RPS6KB1: variants seen among roughly 807,000 people sequenced by gnomAD.
RPS6KB1 encodes the protein ribosomal protein S6 kinase beta-1.
In RPS6KB1, 12 loss-of-function variants were observed where a neutral mutation model predicts 70.2. That is an observed-to-expected ratio of 0.17 (90% CI 0.11 to 0.28). The LOEUF is 0.28. RPS6KB1 is among the 10% of genes least tolerant of loss of function. The pLI, the probability that RPS6KB1 is intolerant of heterozygous loss-of-function variation, is 1.00. For synonymous variants in RPS6KB1, 175 were observed against 211.2 expected, an observed-to-expected ratio of 0.83 and a Z score of 1.49; for missense variants, 270 against 646.6, an observed-to-expected ratio of 0.42 and a Z score of 6.32.
chr17:59,941,053 CTTTT>C (rs11377635), intron 13 of RPS6KB1, 110 bp downstream of exon 13: 63 of 474,144 alleles, frequency 1.3e-4, no homozygotes, highest in South Asian at 2.5e-4. Context: ...ACCTGGCCCA[CTTTT>C]TTTTTTTTTT....
At chr17:59,902,945 C>T (rs1052591406) in intron 1 of RPS6KB1, among the ~76,000 whole-genome samples, 2 of 152,020 alleles carry the variant, frequency 1.3e-5, no homozygotes, top group African/African-American at 4.8e-5. Flanking sequence ...CTGTGGGAGG[C>T]TGAGGCAGGT....
chr17:59,916,907 T>A (rs190653616), intron 4 of RPS6KB1, among the ~76,000 whole-genome samples: 83 of 152,296 alleles, frequency 5.4e-4, no homozygotes, highest in African/African-American at 1.9e-3. Context: ...TTTACTTGAT[T>A]GTTTATGTTA....
At chr17:59,937,358 A>G (rs2044303488) in intron 12 of RPS6KB1, among the ~76,000 whole-genome samples, 1 of 152,192 alleles carries the variant, frequency 6.6e-6, no homozygotes, top group Admixed American at 6.5e-5. Context: ...AAAGTATAGA[A>G]TATGTGTGCA....
At chr17:59,945,820 A>G (rs1297827838) in intron 14 of RPS6KB1, among the ~76,000 whole-genome samples, 1 of 152,220 alleles carries the variant, frequency 6.6e-6, no homozygotes, top group Non-Finnish European at 1.5e-5. Context: ...ATGTGTGTGT[A>G]TCTATATAGT....
chr17:59,915,583 A>G (rs1031402264), intron 4 of RPS6KB1, among the ~76,000 whole-genome samples: 2 of 151,350 alleles, frequency 1.3e-5, no homozygotes, highest in Non-Finnish European at 2.9e-5. Context: ...CTCCTGCCCT[A>G]GCCTCCCTAA....
chr17:59,893,343 C>CG lies in RPS6KB1; in HGVS notation c.141+23dup. On this transcript the variant is annotated intron_variant, in intron 1 of 14. Coordinates refer to ENST00000225577, the MANE Select transcript of RPS6KB1 (RefSeq NM_003161.4). This position sits in a 1 kb window ranked among gnomAD's most constrained non-coding sequence, Gnocchi z 4.1. ...AGGAGGGGGTGAGGCCCGGGGTCCC[C>CG]GGGGGCCCGAGGTGACAGGGCCGGG... 6.3e-7 allele frequency: 1 copy of CG among 1,587,860 alleles called. No homozygotes were observed. Among genetic ancestry groups the CG allele is most frequent in the Non-Finnish European group, 8.6e-7 (1 of 1,167,368 alleles).
intron 11 of RPS6KB1, 50 bp downstream of exon 11, chr17:59,936,327 A>G: frequency 1.3e-6 from 2 of 1,545,864 alleles, no homozygotes; most frequent in Non-Finnish European, 1.8e-6. Context: ...TGCTAGTTTT[A>G]TGTATTTCTG....
Position 59,893,402 on chromosome 17 carries a change from C to T in RPS6KB1, c.141+77C>T. The T allele has an allele frequency of 3.4e-6, 5 of 1,452,674 alleles. No homozygotes were observed. Among genetic ancestry groups the T allele is most frequent in the Non-Finnish European group, 4.7e-6 (5 of 1,066,036 alleles). The allele number at this position is 1,452,674 out of a possible 1,614,324, so 90.0% of individuals were successfully genotyped here. A position where few individuals can be genotyped will look rare whatever the true frequency, so the allele number is the denominator to read the frequency against. On this transcript the variant is annotated intron_variant, in intron 1 of 14. Transcript: ENST00000225577. The surrounding 1 kb of genome is among the most constrained non-coding windows in gnomAD (Gnocchi z 4.1). ...GCGGGCTCAGGAAGCGCGGTGTGTCCTAGAGCGTGGAGACCCAGGGGGGCT... is the reference window on the plus strand; with the variant it reads ...GCGGGCTCAGGAAGCGCGGTGTGTCTTAGAGCGTGGAGACCCAGGGGGGCT...
intron 5 of RPS6KB1, among the ~76,000 whole-genome samples, chr17:59,928,115 G>A (rs1021978388): frequency 5.3e-5 from 8 of 151,644 alleles, no homozygotes; most frequent in African/African-American, 1.5e-4. Context: ...CTGAGATCGC[G>A]CCAGTACACT....
intron 7 of RPS6KB1, among the ~76,000 whole-genome samples, chr17:59,933,073 TAGC>T (rs897264546): frequency 3.3e-5 from 5 of 152,138 alleles, no homozygotes; most frequent in African/African-American, 1.2e-4. Context: ...TAGAAGGTGG[TAGC>T]AGCTGCTAAT....
chr17:59,926,150 C>T (rs2043595008), intron 4 of RPS6KB1, among the ~76,000 whole-genome samples: 1 of 152,140 alleles, frequency 6.6e-6, no homozygotes, highest in Admixed American at 6.6e-5. Context: ...ATGGTAGACA[C>T]TCAATAGTTT....
rs1292032 is a variant in RPS6KB1, at chr17:59,914,982, A to G, written c.381+279A>G. ...AGTCTCTTACAGAAAAAATGTATTT[A>G]TTTTCTTTTCTTTTTTTTTTTTTTG... On this transcript the variant is annotated intron_variant, in intron 4 of 14. Coordinates refer to ENST00000225577, the MANE Select transcript of RPS6KB1 (RefSeq NM_003161.4). 2.7e-5 allele frequency among the ~76,000 whole-genome samples: 4 copies of G among 149,370 alleles called. No individual in the cohort carries two copies. In the East Asian group the frequency reaches 7.9e-4, roughly 29 times the overall value.
Position 59,946,466 on chromosome 17 carries a change from C to A in RPS6KB1, c.1341-85C>A. On this transcript the variant is annotated intron_variant, in intron 14 of 14. Transcript: ENST00000225577. This position sits in a 1 kb window ranked among gnomAD's most constrained non-coding sequence, Gnocchi z 4.2. ...TTAAATGAAAATAAATGTCATGTTACCCCACTCCCTTTAAACGTAAAGGAA... is the reference window on the plus strand; with the variant it reads ...TTAAATGAAAATAAATGTCATGTTAACCCACTCCCTTTAAACGTAAAGGAA... 2 of 1,014,222 alleles carry A rather than the reference C, an allele frequency of 2.0e-6. No homozygotes were observed. The highest frequency in any genetic ancestry group is 3.0e-6 in the Non-Finnish European group (2 of 656,390). 62.8% of individuals were successfully genotyped at this position (1,014,222 alleles called of 1,614,324 possible).
chr17:59,937,113 C>T (rs2044288903), intron 12 of RPS6KB1, among the ~76,000 whole-genome samples: 1 of 152,172 alleles, frequency 6.6e-6, no homozygotes, highest in Admixed American at 6.5e-5. Context: ...CCACCCACCT[C>T]AGCCTCTCAA....
rs2045022346 is a variant in RPS6KB1, at chr17:59,947,906, C to G, written c.*1118C>G. 3.0e-6 allele frequency: 1 copy of G among 330,004 alleles called. No individual in the cohort carries two copies. Among genetic ancestry groups the G allele is most frequent in the African/African-American group, 2.1e-5 (1 of 47,082 alleles). The allele number at this position is 330,004 out of a possible 1,614,324, so 20.4% of individuals were successfully genotyped here. ...GTAAGATTTTCAGTTTTACTTCTTTCTACTGTTTCTGCTGTCTACCTTCCT... is the reference window on the plus strand; with the variant it reads ...GTAAGATTTTCAGTTTTACTTCTTTGTACTGTTTCTGCTGTCTACCTTCCT... On this transcript the variant is annotated 3_prime_UTR_variant, in exon 15 of 15. Coordinates refer to ENST00000225577, the MANE Select transcript of RPS6KB1 (RefSeq NM_003161.4).
In RPS6KB1 at chr17:59,949,801, T is replaced by C. The variant is rs1432176571; in HGVS notation, c.*3013T>C. On this transcript the variant is annotated 3_prime_UTR_variant, in exon 15 of 15. Transcript: ENST00000225577. ...TCCATAAATTCAACATTCTTTACTA[T>C]AGGTAATGAATGATTATAAACAAGA... is the stretch of plus-strand genomic sequence containing the variant. 2 of 152,372 alleles carry C rather than the reference T, an allele frequency of 1.3e-5. No homozygotes were observed. Among genetic ancestry groups the C allele is most frequent in the Non-Finnish European group, 2.9e-5 (2 of 67,904 alleles). 9.4% of individuals were successfully genotyped at this position (152,372 alleles called of 1,614,324 possible).
chr17:59,943,345 T>C (rs1184118124), intron 13 of RPS6KB1, among the ~76,000 whole-genome samples: 1 of 152,202 alleles, frequency 6.6e-6, no homozygotes, highest in Non-Finnish European at 1.5e-5. Context: ...TTTTCCTCAA[T>C]TGGACATTGC....
intron 1 of RPS6KB1, among the ~76,000 whole-genome samples, chr17:59,894,281 G>A (rs2041365893): frequency 6.6e-6 from 1 of 151,670 alleles, no homozygotes; most frequent in Non-Finnish European, 1.5e-5. Context: ...TTTTTCCCTA[G>A]ATAAATTTAT....
chr17:59,940,543 C>T (rs1191824212), intron 12 of RPS6KB1, among the ~76,000 whole-genome samples: 1 of 152,016 alleles, frequency 6.6e-6, no homozygotes, highest in East Asian at 1.9e-4. Flanking sequence ...GCCTCAGCCT[C>T]CCAAGGTGCT....
Sources: allele counts gnomAD v4.1 joint callset (sites outside exome capture counted in the v4.1 genomes callset), GRCh38; gene constraint gnomAD v4.1.1; non-coding constraint Gnocchi (gnomAD v3.1); transcripts MANE v1.5; gene names NCBI Gene and HGNC (gene_info 2026-07-23, HGNC 2026-07-21).